The following QSOX2 variants were observed in gnomAD, a reference collection of about 807,000 sequenced individuals.
QSOX2 encodes quiescin sulfhydryl oxidase 2.
In QSOX2, 46 loss-of-function variants were observed where a neutral mutation model predicts 61.7. That is an observed-to-expected ratio of 0.75 (90% CI 0.59 to 0.95). The LOEUF is 0.95. Ranked by LOEUF, QSOX2 falls within the 40% of genes least tolerant of loss-of-function variation. The pLI is 0.00. For missense variants in QSOX2, 879 were observed against 918.9 expected (o/e 0.96, Z 0.56); for synonymous variants, 383 against 388.4 (o/e 0.99, Z 0.16).
rs184080661 is a variant in QSOX2 at position 136,221,756 on chromosome 9, C to T, written c.821+40G>A. 103 of 1,550,858 alleles carry T rather than the reference C, an allele frequency of 6.6e-5. No individual in the cohort carries two copies. Among genetic ancestry groups the T allele is most frequent in the Non-Finnish European group, 8.4e-5 (96 of 1,145,078 alleles). On this transcript the variant is annotated intron_variant, in intron 6 of 11. Transcript: ENST00000358701. The surrounding 1 kb of genome is among the most constrained non-coding windows in gnomAD (Gnocchi z 4.5). ...ACTCGGAGCCTCTGTCCGGTAACTC[C>T]GAGCGGCACGGAGTTCCCAGACCCC...
At chr9:136,235,758 GC>G (rs1588640671) in intron 1 of QSOX2, among the ~76,000 whole-genome samples, 1 of 152,326 alleles carries the variant, frequency 6.6e-6, no homozygotes, top group Middle Eastern at 3.4e-3. Context: ...AGCTCTGGTG[GC>G]TACAGAGGCA....
chr9:136,230,705 A>G (rs1251233799), intron 1 of QSOX2, among the ~76,000 whole-genome samples: 1 of 152,220 alleles, frequency 6.6e-6, no homozygotes, highest in Non-Finnish European at 1.5e-5. Flanking sequence ...AAGCCAGTAA[A>G]CACTCAAATC....
intron 1 of QSOX2, among the ~76,000 whole-genome samples, chr9:136,240,659 G>T (rs1432711285): frequency 6.6e-6 from 1 of 152,186 alleles, no homozygotes; most frequent in African/African-American, 2.4e-5. Flanking sequence ...AACCCACCTA[G>T]CGACCAGGAG....
chr9:136,239,429 C>G (rs1370939920), intron 1 of QSOX2, among the ~76,000 whole-genome samples: 1 of 152,220 alleles, frequency 6.6e-6, no homozygotes, highest in African/African-American at 2.4e-5. Flanking sequence ...AGCCACTGCC[C>G]CGGCCACTTC....
At position 136,209,068 on chromosome 9, in the gene QSOX2, C is replaced by T. The variant is rs1315193559; in HGVS notation, c.1757G>A (p.Arg586Lys). 10 of 1,614,054 alleles carry T rather than the reference C, an allele frequency of 6.2e-6. No individual in the cohort carries two copies. The East Asian group carries it at 1.1e-4, about 18-fold the overall frequency. The change falls in exon 12 of 12, where the codon AGG (arginine) becomes AAG (lysine). Residue 586 changes from arginine to lysine, a missense_variant. Arg to Lys is a conservative substitution (Grantham distance 26). Transcript: ENST00000358701. This position sits in a 1 kb window ranked among gnomAD's most constrained non-coding sequence, Gnocchi z 5.6. ...GAGTCTTTTCTCCTCTTCCTCACCC[C>T]TGGCCAGGGTTCCTCCTTCACTGGA... ...GDSSEGGTLA[R>K]GEEEEKRLTP...
At chr9:136,235,351 C>A (rs1277890598) in intron 1 of QSOX2, among the ~76,000 whole-genome samples, 1 of 152,186 alleles carries the variant, frequency 6.6e-6, no homozygotes, top group East Asian at 1.9e-4. Context: ...GATGCAAGAC[C>A]AGGGACACTG....
chr9:136,230,108 G>A (rs553499813), intron 1 of QSOX2, among the ~76,000 whole-genome samples: 1 of 151,858 alleles, frequency 6.6e-6, no homozygotes, highest in South Asian at 2.1e-4. Flanking sequence ...GTAAAACCCC[G>A]TCTCTACTAA....
Position 136,216,859 on chromosome 9 carries a change from G to A in QSOX2, c.1087-137C>T, listed in dbSNP as rs186803857. The A allele has an allele frequency of 2.5e-4, 275 of 1,106,564 alleles. No homozygotes were observed. In the African/African-American group the frequency reaches 3.7e-3, roughly 15 times the overall value. 68.5% of individuals were successfully genotyped at this position (1,106,564 alleles called of 1,614,324 possible). ...CCTAGGATGGGGCCTCTCATAACTCGGGTTTCTCTGATGGGAGGCAGGAAA... is the reference window on the plus strand; with the variant it reads ...CCTAGGATGGGGCCTCTCATAACTCAGGTTTCTCTGATGGGAGGCAGGAAA... On this transcript the variant is annotated intron_variant, in intron 8 of 11. Coordinates refer to ENST00000358701, the MANE Select transcript of QSOX2 (RefSeq NM_181701.4).
At position 136,222,666 on chromosome 9, in the gene QSOX2, ACT is replaced by A. The variant is rs146884836; in HGVS notation, c.676-727_676-726del. On this transcript the variant is annotated intron_variant, in intron 5 of 11. Coordinates refer to ENST00000358701, the MANE Select transcript of QSOX2 (RefSeq NM_181701.4). The surrounding 1 kb of genome is among the most constrained non-coding windows in gnomAD (Gnocchi z 6.9). ...GGTCTCTGCTCTGGGCCATGCCGTG[ACT>A]CTGTGCTGAAGAGCACTCCTCCTGC... Among the ~76,000 whole-genome samples the A allele has an allele frequency of 6.4e-3, 973 of 152,022 alleles. 15 individuals are homozygous for A. Among genetic ancestry groups the A allele is most frequent in the African/African-American group, 0.022 (918 of 41,444 alleles).
At chr9:136,215,025 C>T in intron 10 of QSOX2, 129 bp downstream of exon 10, 1 of 1,143,008 alleles carries the variant, frequency 8.7e-7, no homozygotes, top group Non-Finnish European at 1.2e-6. Flanking sequence ...TCTGAAGTGC[C>T]ATTCCCCTGC....
Position 136,221,425 on chromosome 9 carries a change from C to A in QSOX2, c.821+371G>T, listed in dbSNP as rs1831979236. 6.6e-6 allele frequency among the ~76,000 whole-genome samples: 1 copy of A among 152,212 alleles called. No homozygotes were observed. Among genetic ancestry groups the A allele is most frequent in the Non-Finnish European group, 1.5e-5 (1 of 68,038 alleles). On this transcript the variant is annotated intron_variant, in intron 6 of 11. Coordinates refer to ENST00000358701, the MANE Select transcript of QSOX2 (RefSeq NM_181701.4). This position sits in a 1 kb window ranked among gnomAD's most constrained non-coding sequence, Gnocchi z 4.5. ...CTTGTCTGCCAGCCCCAGACACAGA[C>A]CCAAACTGCATCCCAAGAGTCCACC...
At chr9:136,243,780 G>A (rs1317722081) in intron 1 of QSOX2, among the ~76,000 whole-genome samples, 3 of 152,320 alleles carry the variant, frequency 2.0e-5, no homozygotes, top group Non-Finnish European at 2.9e-5. Context: ...TCAGGTCACC[G>A]CTGTCTTTCA....
At position 136,222,196 on chromosome 9, in the gene QSOX2, T is replaced by C. The variant is rs1231704194; in HGVS notation, c.676-255A>G. ...ATCAAAGAAAACACTTATCCGCGAA[T>C]TTGCACTTGACTTTCTAAAACCAGC... On this transcript the variant is annotated intron_variant, in intron 5 of 11. Transcript: ENST00000358701. The surrounding 1 kb of genome is among the most constrained non-coding windows in gnomAD (Gnocchi z 6.9). Among the ~76,000 whole-genome samples, 1 of 152,176 alleles carries C rather than the reference T, an allele frequency of 6.6e-6. No individual in the cohort carries two copies. Among genetic ancestry groups the C allele is most frequent in the African/African-American group, 2.4e-5 (1 of 41,436 alleles).
chr9:136,210,815 C>T lies in QSOX2; in HGVS notation c.1549+449G>A, dbSNP rs141476344. 5.4e-5 allele frequency: 53 copies of T among 984,962 alleles called. No homozygotes were observed. The African/African-American group carries it at 8.7e-4, about 16-fold the overall frequency. The allele number at this position is 984,962 out of a possible 1,614,324, so 61.0% of individuals were successfully genotyped here. On this transcript the variant is annotated intron_variant, in intron 11 of 11. Coordinates refer to ENST00000358701, the MANE Select transcript of QSOX2 (RefSeq NM_181701.4). The stretch of plus-strand genomic sequence containing the variant: ...TGAAGTACTTAACTCTGAGAAAATA[C>T]ATGTGCCCTATTTAATTATTTTTTT...
intron 8 of QSOX2, among the ~76,000 whole-genome samples, 182 bp from the exon 9 acceptor site, chr9:136,216,904 G>A (rs751654327): frequency 6.6e-6 from 1 of 152,216 alleles, no homozygotes; most frequent in Non-Finnish European, 1.5e-5. Context: ...CCATGGGGTG[G>A]GCATCTAGCC....
chr9:136,226,867 G>C lies in QSOX2; in HGVS notation c.336C>G (p.Ala112=). Residue 112 remains alanine, a synonymous_variant, in exon 2 of 12, where the codon GCC becomes GCG. Transcript: ENST00000358701. ...RALAGDVRDW[A]SAIRVAALDC... is the part of the protein sequence containing the mutation. ...CCAGAGCTGCGACGCGAATGGCACTGGCCCAGTCTGAAAAGCAGGAGCATG... is the reference window on the plus strand; with the variant it reads ...CCAGAGCTGCGACGCGAATGGCACTCGCCCAGTCTGAAAAGCAGGAGCATG... The C allele has an allele frequency of 6.2e-7, 1 of 1,614,018 alleles. No homozygotes were observed. Among genetic ancestry groups the C allele is most frequent in the Non-Finnish European group, 8.5e-7 (1 of 1,179,872 alleles).
In QSOX2 at chr9:136,245,651, A is replaced by G; in HGVS notation, c.153T>C (p.Gly51=). The G allele has an allele frequency of 7.8e-7, 1 of 1,284,132 alleles. No homozygotes were observed. The highest frequency in any genetic ancestry group is 9.8e-7 in the Non-Finnish European group (1 of 1,018,880). 79.5% of individuals were successfully genotyped at this position (1,284,132 alleles called of 1,614,324 possible). ...CGCCCGCGCGGTACAGCCGCGCCGC[A>G]CCGCCCGCGCCCGGCCCCACCGCCG... ...AAAAVGPGAG[G]AARLYRAGED... The change falls in exon 1 of 12, where the codon GGT becomes GGC. Residue 51 remains glycine (G), a synonymous_variant. Transcript: ENST00000358701.
chr9:136,244,911 G>A (rs1830458530), intron 1 of QSOX2, among the ~76,000 whole-genome samples: 1 of 152,204 alleles, frequency 6.6e-6, no homozygotes, highest in East Asian at 1.9e-4. Context: ...GGACTTCTAA[G>A]TTGTGGGTTC....
intron 1 of QSOX2, among the ~76,000 whole-genome samples, chr9:136,242,732 C>T (rs938555614): frequency 4.6e-5 from 7 of 152,248 alleles, no homozygotes; most frequent in African/African-American, 1.2e-4. Flanking sequence ...GAGAAGCAGG[C>T]ATTTCTAACA....
Sources: gnomAD v4.1 joint callset for allele counts (sites outside exome capture counted in the v4.1 genomes callset) on GRCh38, gnomAD v4.1.1 for gene constraint, Gnocchi (gnomAD v3.1) non-coding constraint, MANE v1.5 for transcripts, NCBI Gene and HGNC (gene_info 2026-07-23, HGNC 2026-07-21) for gene names.